RNF216: variants seen among roughly 807,000 people sequenced by gnomAD.
RNF216 encodes ring finger protein 216.
In RNF216, 72 loss-of-function variants were observed where a neutral mutation model predicts 110.8. The observed-to-expected ratio is 0.65, with a 90% CI of 0.54 to 0.79. RNF216 has a LOEUF of 0.79. Among genes scored for constraint, RNF216 ranks in the 30% least tolerant of loss-of-function variants. The pLI, the probability that RNF216 is intolerant of heterozygous loss-of-function variation, is 0.00. For synonymous variants in RNF216, 495 were observed against 407.5 expected, an observed-to-expected ratio of 1.21 and a Z score of -2.59; for missense variants, 1,342 against 1,141.2, an observed-to-expected ratio of 1.18 and a Z score of -2.54.
At chr7:5,647,146 C>T (rs1788098490) in intron 14 of RNF216, among the ~76,000 whole-genome samples, 2 of 151,470 alleles carry the variant, frequency 1.3e-5, no homozygotes, top group African/African-American at 2.4e-5. Context: ...AAAGTTGCCT[C>T]TGGCAGTTTT....
chr7:5,748,369 A>T (rs1795146731), intron 3 of RNF216, among the ~76,000 whole-genome samples: 1 of 152,152 alleles, frequency 6.6e-6, no homozygotes, highest in Non-Finnish European at 1.5e-5. Context: ...ACTCATTAAG[A>T]AACAAGCTAA....
In RNF216 at chr7:5,752,429, G is replaced by C. The variant is rs149964919; in HGVS notation, c.201+417C>G. ...AAATATAACAGGAAGATTTGTTTTG[G>C]ATTACGCAAACTGATTATATATATA... On this transcript the variant is annotated intron_variant, in intron 3 of 16. Transcript: ENST00000389902. Among the ~76,000 whole-genome samples the C allele has an allele frequency of 2.6e-3, 399 of 152,160 alleles. 3 individuals are homozygous for C. Among genetic ancestry groups the C allele is most frequent in the African/African-American group, 9.0e-3 (375 of 41,498 alleles).
At position 5,716,769 on chromosome 7, in the gene RNF216, G is replaced by A; in HGVS notation, c.1645-3C>T. 1 of 1,602,850 alleles carries A rather than the reference G, an allele frequency of 6.2e-7. No individual in the cohort carries two copies. The highest frequency in any genetic ancestry group is 1.7e-5 in the Admixed American group (1 of 58,794). On this transcript the variant is annotated splice_polypyrimidine_tract_variant and splice_region_variant and intron_variant, in intron 9 of 16. Transcript: ENST00000389902. Reference sequence around the variant, plus strand: ...AGGGCAAGCAAAAAGTCTTCATGCTGAAGAACAAAAAAGGCACACATTCAG... The same window carrying A: ...AGGGCAAGCAAAAAGTCTTCATGCTAAAGAACAAAAAAGGCACACATTCAG...
At chr7:5,690,140 C>T (rs1215477394) in intron 13 of RNF216, among the ~76,000 whole-genome samples, 1 of 151,214 alleles carries the variant, frequency 6.6e-6, no homozygotes, top group Non-Finnish European at 1.5e-5. Context: ...ACCAGCCTGG[C>T]CATGGTGAAA....
intron 9 of RNF216, among the ~76,000 whole-genome samples, chr7:5,719,952 A>G (rs1312311015): frequency 6.6e-6 from 1 of 152,232 alleles, no homozygotes; most frequent in East Asian, 1.9e-4. Context: ...AGAATATTGA[A>G]AAGATGTTTC....
At chr7:5,721,221 G>C (rs1405104543) in intron 8 of RNF216, 49 bp from the exon 9 acceptor site, 2 of 1,569,194 alleles carry the variant, frequency 1.3e-6, no homozygotes, top group Non-Finnish European at 1.7e-6. Context: ...TATGTGTTAG[G>C]AACCTGGGCC....
At chr7:5,678,898 G>A (rs1339894666) in intron 13 of RNF216, among the ~76,000 whole-genome samples, 1 of 152,176 alleles carries the variant, frequency 6.6e-6, no homozygotes, top group African/African-American at 2.4e-5. Flanking sequence ...TCCTAGAGAG[G>A]AAGTGGGGAG....
intron 15 of RNF216, among the ~76,000 whole-genome samples, chr7:5,639,306 A>T (rs1181586145): frequency 6.6e-6 from 1 of 152,226 alleles, no homozygotes; most frequent in African/African-American, 2.4e-5. Flanking sequence ...GTGGCAGAGT[A>T]GAATGCTGGA....
chr7:5,725,932 C>T (rs192386043), intron 7 of RNF216, among the ~76,000 whole-genome samples: 134 of 151,274 alleles, frequency 8.9e-4, no homozygotes, highest in Non-Finnish European at 1.6e-3. Context: ...TAAACTGGTA[C>T]GGTGGTGGAA....
At chr7:5,661,431 A>C (rs1789130470) in intron 13 of RNF216, among the ~76,000 whole-genome samples, 1 of 152,290 alleles carries the variant, frequency 6.6e-6, no homozygotes, top group Middle Eastern at 3.4e-3. Flanking sequence ...ACATCTTCAC[A>C]AAGGGTGCTT....
At chr7:5,750,116 T>C (rs561335926) in intron 3 of RNF216, among the ~76,000 whole-genome samples, 2 of 152,348 alleles carry the variant, frequency 1.3e-5, no homozygotes, top group South Asian at 4.1e-4. Context: ...GTCCTTTTAA[T>C]AAAAGGACAC....
At chr7:5,686,165 G>C (rs557383240) in intron 13 of RNF216, among the ~76,000 whole-genome samples, 1 of 149,860 alleles carries the variant, frequency 6.7e-6, no homozygotes, top group Non-Finnish European at 1.5e-5. Flanking sequence ...AGAGGTTGCA[G>C]TGAGCCGAGA....
At position 5,729,573 on chromosome 7, in the gene RNF216, G is replaced by C. The variant is rs1793965260; in HGVS notation, c.1248C>G (p.Asp416Glu). 1 of 1,613,876 alleles carries C rather than the reference G, an allele frequency of 6.2e-7. No individual in the cohort carries two copies. Among genetic ancestry groups the C allele is most frequent in the South Asian group, 1.1e-5 (1 of 91,024 alleles). Residue 416 changes from aspartate (D) to glutamate (E), a missense_variant, in exon 7 of 17, where the codon GAC (aspartate) becomes GAG (glutamate). Physicochemically the swap from Asp to Glu is conservative, Grantham distance 45. Transcript: ENST00000389902. ...GGTCAAGAGGGGTCAATTTAGAATAGTCAAAAAAGTCTATTTTAGGCAACT... is the reference window on the plus strand; with the variant it reads ...GGTCAAGAGGGGTCAATTTAGAATACTCAAAAAAGTCTATTTTAGGCAACT... Reference protein sequence around the residue: ...ETKLPKIDFFDYSKLTPLDQR... With the variant: ...ETKLPKIDFFEYSKLTPLDQR...
At chr7:5,757,422 G>GTA (rs1562466787) in intron 2 of RNF216, among the ~76,000 whole-genome samples, 2 of 151,898 alleles carry the variant, frequency 1.3e-5, no homozygotes, top group African/African-American at 4.8e-5. Context: ...TTGTGTGTGT[G>GTA]TGTGGCTATC....
At chr7:5,659,607 C>T (rs1331261350) in intron 13 of RNF216, among the ~76,000 whole-genome samples, 1 of 152,230 alleles carries the variant, frequency 6.6e-6, no homozygotes, top group Non-Finnish European at 1.5e-5. Context: ...ATTCTTCTGG[C>T]TGCTACTGTT....
At chr7:5,687,844 G>A (rs1043035488) in intron 13 of RNF216, among the ~76,000 whole-genome samples, 2 of 152,154 alleles carry the variant, frequency 1.3e-5, no homozygotes, top group Non-Finnish European at 2.9e-5. Context: ...CAACCCAGTG[G>A]GTGAGGCAGA....
intron 13 of RNF216, among the ~76,000 whole-genome samples, chr7:5,688,879 GC>G (rs1158522051): frequency 6.6e-6 from 1 of 152,176 alleles, no homozygotes; most frequent in African/African-American, 2.4e-5. Flanking sequence ...ACATTACTGT[GC>G]AAAGCACTGT....
At chr7:5,630,039 C>T (rs1295740456) in intron 15 of RNF216, among the ~76,000 whole-genome samples, 1 of 151,936 alleles carries the variant, frequency 6.6e-6, no homozygotes, top group Non-Finnish European at 1.5e-5. Flanking sequence ...AAAGGCCACG[C>T]TACAAATCTA....
At chr7:5,674,477 A>G (rs1470717277) in intron 13 of RNF216, among the ~76,000 whole-genome samples, 1 of 151,748 alleles carries the variant, frequency 6.6e-6, no homozygotes, top group East Asian at 1.9e-4. Flanking sequence ...TAAAAAAAAA[A>G]AAAGGCCAGG....
Sources: allele counts gnomAD v4.1 joint callset (sites outside exome capture counted in the v4.1 genomes callset), GRCh38; gene constraint gnomAD v4.1.1; transcripts MANE v1.5; gene names NCBI Gene and HGNC (gene_info 2026-07-23, HGNC 2026-07-21).